Variants in TNFAIP1 observed in about 807,000 individuals in gnomAD.
The protein encoded by TNFAIP1 is BTB/POZ domain-containing adapter for CUL3-mediated RhoA degradation protein 2.
Under a neutral mutation model 32.6 loss-of-function variants are expected in TNFAIP1, and 20 were observed. The ratio of observed to expected loss-of-function variants is 0.61; its 90% CI spans 0.43 to 0.89. The LOEUF (loss-of-function observed/expected upper bound fraction) is 0.89, where lower values mean the gene tolerates loss of function less well. Ranked by LOEUF, TNFAIP1 falls within the 40% of genes least tolerant of loss-of-function variation. The pLI, the probability that TNFAIP1 is intolerant of heterozygous loss-of-function variation, is 0.00. For synonymous variants in TNFAIP1, 166 were observed against 166.8 expected (o/e 1.00, Z 0.04); for missense variants, 319 against 425.1 (o/e 0.75, Z 2.20).
chr17:28,344,416 A>C lies in TNFAIP1; in HGVS notation c.767A>C (p.Tyr256Ser). 1 of 1,613,902 alleles carries C rather than the reference A, an allele frequency of 6.2e-7. No individual in the cohort carries two copies. The highest frequency in any genetic ancestry group is 8.5e-7 in the Non-Finnish European group (1 of 1,180,010). ...GAGGAGACACTCAACGTCCTACTCT[A>C]TGAGACTCCCCGCGTCCCCGACAAC... ...IYEETLNVLLYETPRVPDNSL... is the reference protein window; with the variant it reads ...IYEETLNVLLSETPRVPDNSL... The change falls in exon 7 of 7, where the codon TAT becomes TCT. Residue 256 changes from tyrosine to serine, a missense_variant. Transcript: ENST00000226225.
rs782003658 is a variant in TNFAIP1 at position 28,342,481 on chromosome 17, A to C, written c.714+39A>C. On this transcript the variant is annotated intron_variant, in intron 6 of 6. Transcript: ENST00000226225. This position sits in a 1 kb window ranked among gnomAD's most constrained non-coding sequence, Gnocchi z 4.0. ...CCCCTGCCTGGGTAGGGGAGGACACACACCCACTGTGCGGGGGACGTGGTC... is the reference window on the plus strand; with the variant it reads ...CCCCTGCCTGGGTAGGGGAGGACACCCACCCACTGTGCGGGGGACGTGGTC... 1 of 1,544,950 alleles carries C rather than the reference A, an allele frequency of 6.5e-7. No individual in the cohort carries two copies. The highest frequency in any genetic ancestry group is 1.2e-5 in the South Asian group (1 of 84,522).
Position 28,346,478 on chromosome 17 carries a change from C to T in TNFAIP1, c.*1878C>T, listed in dbSNP as rs1031887672. 5.9e-5 allele frequency: 9 copies of T among 152,252 alleles called. No homozygotes were observed. Among genetic ancestry groups the T allele is most frequent in the Admixed American group, 5.2e-4 (8 of 15,276 alleles). 9.4% of individuals were successfully genotyped at this position (152,252 alleles called of 1,614,324 possible). On this transcript the variant is annotated 3_prime_UTR_variant, in exon 7 of 7. Coordinates refer to ENST00000226225, the MANE Select transcript of TNFAIP1 (RefSeq NM_021137.5). ...GCTTGCCTTTTGACCTCCCCATCCC[C>T]TTTAGTCCCTGCTTACTACTTTGAC...
rs3093689 is a variant in TNFAIP1 at position 28,343,074 on chromosome 17, C to A, written c.714+632C>A. Among the ~76,000 whole-genome samples, 600 of 152,272 alleles carry A rather than the reference C, an allele frequency of 3.9e-3. 4 individuals are homozygous for A. Among genetic ancestry groups the A allele is most frequent in the African/African-American group, 0.014 (565 of 41,544 alleles). ...CCTGTAGTCCCAAGTACTCAGGAGG[C>A]TGCTGTGGGAAGATCCCTTGAGCCC... On this transcript the variant is annotated intron_variant, in intron 6 of 6. Transcript: ENST00000226225.
Position 28,340,331 on chromosome 17 carries a change from T to C in TNFAIP1, c.228T>C (p.Cys76=). 3.7e-6 allele frequency: 6 copies of C among 1,613,968 alleles called. 1 individual carries two copies. The South Asian group carries it at 5.5e-5, about 15-fold the overall frequency. ...TAGGCTGGATCCTCATAGACCGTTGTGGAAAGCACTTTGGCACCATTTTGA... is the reference window on the plus strand; with the variant it reads ...TAGGCTGGATCCTCATAGACCGTTGCGGAAAGCACTTTGGCACCATTTTGA... The part of the protein sequence containing the change: ...DKEGWILIDR[C]GKHFGTILNY... The change falls in exon 3 of 7, where the codon TGT becomes TGC. Residue 76 remains cysteine, a synonymous_variant. Coordinates refer to ENST00000226225, the MANE Select transcript of TNFAIP1 (RefSeq NM_021137.5). The surrounding 1 kb of genome is among the most constrained non-coding windows in gnomAD (Gnocchi z 4.1).
At chr17:28,344,265 G>A in intron 6 of TNFAIP1, 99 bp from the exon 7 acceptor site, 1 of 1,014,772 alleles carries the variant, frequency 9.9e-7, no homozygotes, top group Non-Finnish European at 1.5e-6. Flanking sequence ...TTTATGAGAG[G>A]TAGCGGAGGC....
At chr17:28,337,368 C>T (rs1907214068) in intron 1 of TNFAIP1, among the ~76,000 whole-genome samples, 1 of 152,164 alleles carries the variant, frequency 6.6e-6, no homozygotes, top group African/African-American at 2.4e-5. Context: ...GTCTGTGCAC[C>T]AGCCATTATG....
chr17:28,341,549 G>C, intron 5 of TNFAIP1, 93 bp downstream of exon 5: 1 of 1,450,434 alleles, frequency 6.9e-7, no homozygotes. Flanking sequence ...GTCTGGGCCT[G>C]GGTCTTGGAA....
At chr17:28,338,593 G>A (rs891383809) in intron 1 of TNFAIP1, among the ~76,000 whole-genome samples, 5 of 151,884 alleles carry the variant, frequency 3.3e-5, no homozygotes, top group Non-Finnish European at 5.9e-5. Flanking sequence ...CCAGACTCTC[G>A]GTGGTGCTCA....
chr17:28,341,730 C>T lies in TNFAIP1; in HGVS notation c.518+274C>T, dbSNP rs537877991. On this transcript the variant is annotated intron_variant, in intron 5 of 6. Transcript: ENST00000226225. ...GGTGTTTTCACACGTGTCATCCTACCGGGTGGAGGGGATGCTAGGAGGCCG... is the reference window on the plus strand; with the variant it reads ...GGTGTTTTCACACGTGTCATCCTACTGGGTGGAGGGGATGCTAGGAGGCCG... Among the ~76,000 whole-genome samples, 10 of 152,292 alleles carry T rather than the reference C, an allele frequency of 6.6e-5. No individual in the cohort carries two copies. The South Asian group carries it at 1.4e-3, about 22-fold the overall frequency.
At position 28,345,329 on chromosome 17, in the gene TNFAIP1, G is replaced by A. The variant is rs1555578805; in HGVS notation, c.*729G>A. 2.0e-3 allele frequency: 1 copy of A among 504 alleles called. No individual in the cohort carries two copies. The highest frequency in any genetic ancestry group is 0.038 in the African/African-American group (1 of 26). 0.0% of individuals were successfully genotyped at this position (504 alleles called of 1,614,324 possible). Reference sequence around the variant, plus strand: ...AAAAACATCCGACAGAGCAGCTCTGGCTTTGCAGCCTGGCCAGCAGCTCAG... The same window carrying A: ...AAAAACATCCGACAGAGCAGCTCTGACTTTGCAGCCTGGCCAGCAGCTCAG... On this transcript the variant is annotated 3_prime_UTR_variant, in exon 7 of 7. Coordinates refer to ENST00000226225, the MANE Select transcript of TNFAIP1 (RefSeq NM_021137.5).
chr17:28,342,524 G>A lies in TNFAIP1; in HGVS notation c.714+82G>A, dbSNP rs782658660. The A allele has an allele frequency of 1.5e-6, 2 of 1,350,590 alleles. No homozygotes were observed. Among genetic ancestry groups the A allele is most frequent in the South Asian group, 3.2e-5 (2 of 62,280 alleles). 83.7% of individuals were successfully genotyped at this position (1,350,590 alleles called of 1,614,324 possible). ...ACGTGGTCGGGCTGTGACCAGCACG[G>A]AGCAAAAGGGGCATGGACTTGGCTC... On this transcript the variant is annotated intron_variant, in intron 6 of 6. Transcript: ENST00000226225. The surrounding 1 kb of genome is among the most constrained non-coding windows in gnomAD (Gnocchi z 4.0).
intron 1 of TNFAIP1, among the ~76,000 whole-genome samples, chr17:28,338,575 T>TC (rs568790071): frequency 1.4e-3 from 214 of 150,662 alleles, no homozygotes; most frequent in Non-Finnish European, 2.5e-3. Flanking sequence ...TTACTTTCCT[T>TC]CCTGAAGCCA....
chr17:28,341,180 C>T (rs782188116), intron 3 of TNFAIP1, 57 bp from the exon 4 acceptor site: 41 of 1,596,148 alleles, frequency 2.6e-5, no homozygotes, highest in Non-Finnish European at 3.3e-5. Context: ...AGGTATACCT[C>T]GATAAGCCTG....
intron 5 of TNFAIP1, among the ~76,000 whole-genome samples, 166 bp downstream of exon 5, chr17:28,341,622 A>T (rs1315235771): frequency 6.6e-6 from 1 of 152,246 alleles, no homozygotes; most frequent in Non-Finnish European, 1.5e-5. Context: ...AGGCCTTTGG[A>T]ACTCAGCAGG....
Position 28,342,168 on chromosome 17 carries a change from G to A in TNFAIP1, c.519-79G>A, listed in dbSNP as rs1451664028. 2.3e-6 allele frequency: 3 copies of A among 1,290,016 alleles called. No homozygotes were observed. The highest frequency in any genetic ancestry group is 3.1e-6 in the Non-Finnish European group (3 of 952,638). 79.9% of individuals were successfully genotyped at this position (1,290,016 alleles called of 1,614,324 possible). ...GGACAGGATGGGGGAAGGGAGGGAGGGGAGGGCCCCACTTGTCTAGCACCC... is the reference window on the plus strand; with the variant it reads ...GGACAGGATGGGGGAAGGGAGGGAGAGGAGGGCCCCACTTGTCTAGCACCC... On this transcript the variant is annotated intron_variant, in intron 5 of 6. Coordinates refer to ENST00000226225, the MANE Select transcript of TNFAIP1 (RefSeq NM_021137.5). The surrounding 1 kb of genome is among the most constrained non-coding windows in gnomAD (Gnocchi z 4.0).
At position 28,346,908 on chromosome 17, in the gene TNFAIP1, C is replaced by G. The variant is rs1305164212; in HGVS notation, c.*2308C>G. ...CCTAAAGGATGGCGCAGGTCCTGGG[C>G]AGGAAAGAATTTTTCCTTTATCACA... is the stretch of plus-strand genomic sequence containing the variant. On this transcript the variant is annotated 3_prime_UTR_variant, in exon 7 of 7. Coordinates refer to ENST00000226225, the MANE Select transcript of TNFAIP1 (RefSeq NM_021137.5). The G allele has an allele frequency of 2.0e-5, 3 of 152,178 alleles. No individual in the cohort carries two copies. The highest frequency in any genetic ancestry group is 7.2e-5 in the African/African-American group (3 of 41,430). The allele number at this position is 152,178 out of a possible 1,614,324, so 9.4% of individuals were successfully genotyped here.
chr17:28,341,350 G>A (rs782758721), intron 4 of TNFAIP1, 24 bp downstream of exon 4: 11 of 1,614,180 alleles, frequency 6.8e-6, no homozygotes, highest in East Asian at 4.5e-5. Flanking sequence ...TGAGGGGTGC[G>A]GGCCGGGGAT....
chr17:28,343,408 G>A (rs1424893464), intron 6 of TNFAIP1, among the ~76,000 whole-genome samples: 1 of 152,038 alleles, frequency 6.6e-6, no homozygotes, highest in African/African-American at 2.4e-5. Flanking sequence ...AGAGCTCAAA[G>A]TAGCCAGACT....
At position 28,340,834 on chromosome 17, in the gene TNFAIP1, T is replaced by A. The variant is rs1907336542; in HGVS notation, c.375+356T>A. ...ATGTCAGCTCACTGCAACTTCTGCC[T>A]CCTGGGTTCAAGTGATTCTCGTGAT... On this transcript the variant is annotated intron_variant, in intron 3 of 6. Coordinates refer to ENST00000226225, the MANE Select transcript of TNFAIP1 (RefSeq NM_021137.5). This position sits in a 1 kb window ranked among gnomAD's most constrained non-coding sequence, Gnocchi z 4.1. Among the ~76,000 whole-genome samples the A allele has an allele frequency of 6.6e-6, 1 of 152,210 alleles. No individual in the cohort carries two copies. The highest frequency in any genetic ancestry group is 2.4e-5 in the African/African-American group (1 of 41,446).
Sources: allele counts gnomAD v4.1 joint callset (sites outside exome capture counted in the v4.1 genomes callset), GRCh38; gene constraint gnomAD v4.1.1; non-coding constraint Gnocchi (gnomAD v3.1); transcripts MANE v1.5; gene names NCBI Gene and HGNC (gene_info 2026-07-23, HGNC 2026-07-21).